GALNT14: variants seen among roughly 807,000 people sequenced by gnomAD.
GALNT14 encodes UDP-GalNAc:polypeptide N-acetylgalactosaminyltransferase 14.
A neutral mutation model predicts 77.5 loss-of-function variants in GALNT14; 60 were observed. The ratio of observed to expected loss-of-function variants is 0.77; its 90% CI spans 0.63 to 0.96. GALNT14 has a LOEUF of 0.96. Among genes scored for constraint, GALNT14 ranks in the 40% least tolerant of loss-of-function variants. The pLI is 0.00. For synonymous variants in GALNT14, 280 were observed against 281.7 expected (o/e 0.99, Z 0.06); for missense variants, 710 against 731.0 (o/e 0.97, Z 0.33).
intron 1 of GALNT14, among the ~76,000 whole-genome samples, chr2:31,058,874 T>G (rs1674409124): frequency 6.6e-6 from 1 of 152,138 alleles, no homozygotes; most frequent in South Asian, 2.1e-4. Context: ...AGTTCTCAAG[T>G]TTTCTAAGCA....
intron 6 of GALNT14, 140 bp downstream of exon 6, chr2:30,955,475 TTCA>T (rs754227894): frequency 1.4e-4 from 164 of 1,137,926 alleles, no homozygotes; most frequent in Non-Finnish European, 1.8e-4. Flanking sequence ...CCTTAGTTCC[TTCA>T]TCAATAAAAT....
intron 9 of GALNT14, among the ~76,000 whole-genome samples, chr2:30,939,264 G>C (rs1345305934): frequency 6.6e-6 from 1 of 152,188 alleles, no homozygotes; most frequent in Admixed American, 6.5e-5. Flanking sequence ...TGAGGGAGAG[G>C]GTGGGCCAGA....
chr2:31,130,783 T>TGTGCGCGCGC (rs1181788023), intron 1 of GALNT14, among the ~76,000 whole-genome samples: 51 of 118,658 alleles, frequency 4.3e-4, no homozygotes, highest in African/African-American at 1.8e-3. Flanking sequence ...TGTGTGTGTG[T>TGTGCGCGCGC]GCGCGCGCAC....
At chr2:31,049,710 G>T (rs1038716056) in intron 1 of GALNT14, among the ~76,000 whole-genome samples, 4 of 152,122 alleles carry the variant, frequency 2.6e-5, no homozygotes, top group Non-Finnish European at 5.9e-5. Context: ...TGGAAGGAGG[G>T]GACCCAACCA....
chr2:31,133,371 T>C (rs565700735), intron 1 of GALNT14, among the ~76,000 whole-genome samples: 107 of 152,300 alleles, frequency 7.0e-4, no homozygotes, highest in African/African-American at 2.5e-3. Flanking sequence ...CTTTTTTTAA[T>C]GAGAGAAATT....
At chr2:30,958,702 C>T (rs1250559229) in intron 3 of GALNT14, among the ~76,000 whole-genome samples, 1 of 152,104 alleles carries the variant, frequency 6.6e-6, no homozygotes, top group Non-Finnish European at 1.5e-5. Flanking sequence ...GAGTTAACCT[C>T]GGCAACCCTC....
chr2:31,104,830 A>G (rs1677473001), intron 1 of GALNT14, among the ~76,000 whole-genome samples: 1 of 152,182 alleles, frequency 6.6e-6, no homozygotes, highest in Non-Finnish European at 1.5e-5. Flanking sequence ...GTCCACCACT[A>G]GTGATGTTAA....
intron 1 of GALNT14, among the ~76,000 whole-genome samples, chr2:31,136,223 A>G (rs995790083): frequency 8.6e-5 from 13 of 151,842 alleles, no homozygotes. Context: ...CCTCACACCC[A>G]CAAGATTCTA....
rs185148577 is a variant in GALNT14, at chr2:30,977,527, T to C, written c.300-11225A>G. Among the ~76,000 whole-genome samples the C allele has an allele frequency of 7.0e-4, 107 of 152,318 alleles. No homozygotes were observed. In the East Asian group the frequency reaches 0.02, roughly 28 times the overall value. Reference sequence around the variant, plus strand: ...ACTCCTAGAGCTATTTCATGATATTTTTCAGACTTTCCACCTAAAGGATCA... The same window carrying C: ...ACTCCTAGAGCTATTTCATGATATTCTTCAGACTTTCCACCTAAAGGATCA... On this transcript the variant is annotated intron_variant, in intron 2 of 14. Coordinates refer to ENST00000349752, the MANE Select transcript of GALNT14 (RefSeq NM_024572.4).
chr2:30,912,169 C>T, intron 14 of GALNT14, 54 bp downstream of exon 14: 1 of 1,603,062 alleles, frequency 6.2e-7, no homozygotes, highest in Non-Finnish European at 8.5e-7. Flanking sequence ...AAGCCCTCAA[C>T]AGGCAGTCAC....
intron 2 of GALNT14, among the ~76,000 whole-genome samples, chr2:30,988,776 G>A (rs902210854): frequency 4.6e-5 from 7 of 152,162 alleles, no homozygotes; most frequent in African/African-American, 1.4e-4. Context: ...AGTTCAGATC[G>A]CTAAACTCCA....
chr2:31,058,969 G>T (rs1674415274), intron 1 of GALNT14, among the ~76,000 whole-genome samples: 1 of 152,152 alleles, frequency 6.6e-6, no homozygotes, highest in African/African-American at 2.4e-5. Flanking sequence ...GTAGTTTTAG[G>T]CTAGAGAGGC....
intron 2 of GALNT14, 103 bp downstream of exon 2, chr2:30,992,735 C>G (rs1215850943): frequency 7.5e-7 from 1 of 1,337,128 alleles, no homozygotes; most frequent in East Asian, 2.3e-5. Context: ...GATGGTCCAG[C>G]CCGGTTCTTA....
intron 1 of GALNT14, among the ~76,000 whole-genome samples, chr2:31,131,783 A>G (rs1679006758): frequency 6.6e-6 from 1 of 152,206 alleles, no homozygotes; most frequent in Non-Finnish European, 1.5e-5. Flanking sequence ...TTCAGTTTAT[A>G]AATGACCTCT....
At chr2:31,043,506 C>A (rs1204437030) in intron 1 of GALNT14, among the ~76,000 whole-genome samples, 1 of 152,178 alleles carries the variant, frequency 6.6e-6, no homozygotes, top group African/African-American at 2.4e-5. Flanking sequence ...GGAAAATCCA[C>A]AGCTCAAGGA....
intron 1 of GALNT14, among the ~76,000 whole-genome samples, chr2:31,102,586 T>C (rs569726526): frequency 3.9e-5 from 6 of 152,296 alleles, no homozygotes; most frequent in Non-Finnish European, 8.8e-5. Context: ...TCAATATTTG[T>C]GAATGTTTCA....
intron 1 of GALNT14, among the ~76,000 whole-genome samples, chr2:31,068,234 C>A (rs1347423648): frequency 6.6e-6 from 1 of 152,134 alleles, no homozygotes; most frequent in African/African-American, 2.4e-5. Flanking sequence ...CATCTGTAAT[C>A]CCAGCACTTT....
chr2:31,077,107 A>C (rs1333808034), intron 1 of GALNT14, among the ~76,000 whole-genome samples: 1 of 152,222 alleles, frequency 6.6e-6, no homozygotes, highest in African/African-American at 2.4e-5. Context: ...CTACGCTATT[A>C]CAAACATCAC....
At chr2:31,052,175 C>T (rs868694081) in intron 1 of GALNT14, among the ~76,000 whole-genome samples, 4 of 152,104 alleles carry the variant, frequency 2.6e-5, no homozygotes, top group Non-Finnish European at 5.9e-5. Flanking sequence ...CAGGACACTG[C>T]CCCCTACCCC....
Sources: allele counts gnomAD v4.1 joint callset (sites outside exome capture counted in the v4.1 genomes callset), GRCh38; gene constraint gnomAD v4.1.1; transcripts MANE v1.5; gene names NCBI Gene and HGNC (gene_info 2026-07-23, HGNC 2026-07-21).